Variants in TCF4 observed in about 807,000 individuals in gnomAD.
TCF4 encodes the protein SL3-3 enhancer factor 2.
Under a neutral mutation model 82.1 loss-of-function variants are expected in TCF4, and 3 were observed. The ratio of observed to expected loss-of-function variants is 0.04; its 90% CI spans 0.02 to 0.09. The LOEUF (loss-of-function observed/expected upper bound fraction) is 0.09, where lower values mean the gene tolerates loss of function less well. Ranked by LOEUF, TCF4 falls within the 10% of genes least tolerant of loss-of-function variation. The pLI is 1.00. For synonymous variants in TCF4, 276 were observed against 309.6 expected (o/e 0.89, Z 1.14); for missense variants, 518 against 852.7 (o/e 0.61, Z 4.89).
chr18:55,423,351 G>A (rs1028949171), intron 5 of TCF4, among the ~76,000 whole-genome samples: 11 of 151,238 alleles, frequency 7.3e-5, no homozygotes, highest in African/African-American at 2.7e-4. Context: ...CGTGGTTCAC[G>A]AACTATTCAG....
At position 55,222,929 on chromosome 18, in the gene TCF4, A is replaced by G. The variant is rs1261084; in HGVS notation, c.*5106T>C. On this transcript the variant is annotated 3_prime_UTR_variant, in exon 20 of 20. Coordinates refer to ENST00000354452, the MANE Select transcript of TCF4 (RefSeq NM_001083962.2). Reference sequence around the variant, plus strand: ...GAGGCAACCAGAAGTGGTGGGGCGGATGTAGTTTGAGAAAGTATAAATACA... The same window carrying G: ...GAGGCAACCAGAAGTGGTGGGGCGGGTGTAGTTTGAGAAAGTATAAATACA... The G allele has an allele frequency of 0.49, 74,663 of 152,490 alleles. 19,303 individuals are homozygous for G. The highest frequency in any genetic ancestry group is 0.67 in the African/African-American group (27,694 of 41,484). The allele number at this position is 152,490 out of a possible 1,614,324, so 9.4% of individuals were successfully genotyped here.
intron 3 of TCF4, among the ~76,000 whole-genome samples, chr18:55,545,595 CCCA>C: frequency 6.6e-6 from 1 of 152,172 alleles, no homozygotes; most frequent in South Asian, 2.1e-4. Context: ...ATTACAGGTG[CCCA>C]CCACCACACC....
chr18:55,286,701 C>T (rs1046148529), intron 8 of TCF4, among the ~76,000 whole-genome samples: 1 of 152,306 alleles, frequency 6.6e-6, no homozygotes, highest in South Asian at 2.1e-4. Flanking sequence ...CAACCAAAAA[C>T]CAAACCAAAC....
intron 10 of TCF4, among the ~76,000 whole-genome samples, chr18:55,270,896 T>A (rs769947746): frequency 6.6e-6 from 1 of 152,142 alleles, no homozygotes; most frequent in Non-Finnish European, 1.5e-5. Flanking sequence ...CATAGGCATC[T>A]GAATGTGTTA....
chr18:55,633,627 G>C lies in TCF4; in HGVS notation c.195+2076C>G, dbSNP rs1049945380. 2.6e-5 allele frequency among the ~76,000 whole-genome samples: 4 copies of C among 152,156 alleles called. No individual in the cohort carries two copies. Among genetic ancestry groups the C allele is most frequent in the African/African-American group, 7.2e-5 (3 of 41,448 alleles). On this transcript the variant is annotated intron_variant, in intron 1 of 20. Coordinates refer to the TCF4 transcript ENST00000398339. The surrounding 1 kb of genome is among the most constrained non-coding windows in gnomAD (Gnocchi z 4.0). ...ATACTATAGCATGAGTAAAGAAAGA[G>C]AGGCTAGAGCAGGGGTGGGCAAACT...
chr18:55,300,281 C>T (rs1333985300), intron 8 of TCF4, among the ~76,000 whole-genome samples: 1 of 152,188 alleles, frequency 6.6e-6, no homozygotes, highest in Non-Finnish European at 1.5e-5. Context: ...TTCCAACCAT[C>T]TTGATGGACT....
intron 8 of TCF4, among the ~76,000 whole-genome samples, chr18:55,293,509 C>T (rs1690420117): frequency 6.6e-6 from 1 of 151,824 alleles, no homozygotes; most frequent in Non-Finnish European, 1.5e-5. Flanking sequence ...AATAATGATC[C>T]CTAATGTGCT....
At chr18:55,390,353 TTACTA>T (rs746232869) in intron 6 of TCF4, among the ~76,000 whole-genome samples, 6,069 of 150,622 alleles carry the variant, frequency 0.04, 190 homozygotes, top group South Asian at 0.17. Flanking sequence ...GGCCTCATGG[TTACTA>T]TACTATTAGC....
intron 5 of TCF4, chr18:55,404,576 T>G (rs985695286): frequency 6.6e-6 from 1 of 152,212 alleles, no homozygotes; most frequent in African/African-American, 2.4e-5. Flanking sequence ...ACTTGTATTT[T>G]GAGAGGCTGA....
chr18:55,304,233 AG>A (rs1237143014), intron 8 of TCF4, among the ~76,000 whole-genome samples: 4 of 152,190 alleles, frequency 2.6e-5, no homozygotes, highest in African/African-American at 9.7e-5. Flanking sequence ...TCAGTGAAGA[AG>A]ACGGTATGAA....
At chr18:55,242,482 T>C (rs966469732) in intron 15 of TCF4, among the ~76,000 whole-genome samples, 6 of 152,230 alleles carry the variant, frequency 3.9e-5, no homozygotes, top group African/African-American at 1.4e-4. Flanking sequence ...AATATACATT[T>C]AGCATGTTTC....
At chr18:55,278,052 A>C (rs963896288) in intron 9 of TCF4, among the ~76,000 whole-genome samples, 2 of 152,172 alleles carry the variant, frequency 1.3e-5, no homozygotes, top group Non-Finnish European at 2.9e-5. Flanking sequence ...TGCGTGGAAC[A>C]AATTCTCTCT....
At chr18:55,579,108 T>C (rs1037053732) in intron 3 of TCF4, among the ~76,000 whole-genome samples, 4 of 150,744 alleles carry the variant, frequency 2.7e-5, no homozygotes, top group Non-Finnish European at 4.4e-5. Flanking sequence ...TACCTATATA[T>C]AACTTATAAC....
chr18:55,455,066 C>T (rs1009016224), intron 5 of TCF4, among the ~76,000 whole-genome samples: 3 of 150,746 alleles, frequency 2.0e-5, no homozygotes, highest in Admixed American at 1.3e-4. Context: ...GTACACCTGT[C>T]GTCCCAGCTG....
intron 6 of TCF4, among the ~76,000 whole-genome samples, chr18:55,392,990 G>A (rs986609757): frequency 5.9e-5 from 9 of 151,886 alleles, no homozygotes; most frequent in Non-Finnish European, 8.8e-5. Flanking sequence ...TTTTTATATC[G>A]GTAAATATTT....
At chr18:55,483,676 G>T (rs954581337) in intron 3 of TCF4, among the ~76,000 whole-genome samples, 1 of 152,152 alleles carries the variant, frequency 6.6e-6, no homozygotes, top group African/African-American at 2.4e-5. Context: ...ATAATCATTG[G>T]CCTCAGGACA....
At chr18:55,315,975 C>T (rs985909292) in intron 8 of TCF4, among the ~76,000 whole-genome samples, 1 of 151,796 alleles carries the variant, frequency 6.6e-6, no homozygotes, top group Non-Finnish European at 1.5e-5. Context: ...TCATATACAA[C>T]TTTAGCCTGT....
At chr18:55,456,170 C>A (rs2095749253) in intron 5 of TCF4, among the ~76,000 whole-genome samples, 1 of 152,176 alleles carries the variant, frequency 6.6e-6, no homozygotes, top group East Asian at 1.9e-4. Context: ...CACAATATGA[C>A]CACAGTAACC....
intron 5 of TCF4, among the ~76,000 whole-genome samples, chr18:55,406,549 G>T (rs912425778): frequency 6.6e-6 from 1 of 152,144 alleles, no homozygotes; most frequent in African/African-American, 2.4e-5. Context: ...ATTTGTTTCA[G>T]ATAATAAAAT....
Sources: gnomAD v4.1 joint callset for allele counts (sites outside exome capture counted in the v4.1 genomes callset) on GRCh38, gnomAD v4.1.1 for gene constraint, Gnocchi (gnomAD v3.1) non-coding constraint, MANE v1.5 for transcripts, NCBI Gene and HGNC (gene_info 2026-07-23, HGNC 2026-07-21) for gene names.